KYNU: variants seen among roughly 807,000 people sequenced by gnomAD.
The protein encoded by KYNU is L-kynurenine hydrolase.
A neutral mutation model predicts 59.2 loss-of-function variants in KYNU; 54 were observed. The ratio of observed to expected loss-of-function variants is 0.91; its 90% confidence interval spans 0.73 to 1.14. The LOEUF (loss-of-function observed/expected upper bound fraction) is 1.14. KYNU is among the 50% of genes most tolerant of loss of function. KYNU has a pLI of 0.00. For missense variants in KYNU, 567 were observed against 554.4 expected (o/e 1.02, Z -0.23); for synonymous variants, 177 against 192.0 (o/e 0.92, Z 0.65).
chr2:142,980,877 T>C (rs1573866456), intron 8 of KYNU, among the ~76,000 whole-genome samples: 1 of 152,260 alleles, frequency 6.6e-6, no homozygotes, highest in Non-Finnish European at 1.5e-5. Flanking sequence ...CTTTCACATA[T>C]GCATATCATG....
chr2:142,996,911 A>G (rs1358014157), intron 10 of KYNU, among the ~76,000 whole-genome samples: 3 of 152,140 alleles, frequency 2.0e-5, no homozygotes, highest in Non-Finnish European at 2.9e-5. Context: ...AAGTGATAAA[A>G]ATGAAGCATC....
At chr2:143,038,450 G>T (rs556628416) in intron 12 of KYNU, among the ~76,000 whole-genome samples, 1 of 152,138 alleles carries the variant, frequency 6.6e-6, no homozygotes, top group African/African-American at 2.4e-5. Flanking sequence ...ACCTACATTT[G>T]CTTTGCCCAA....
intron 10 of KYNU, among the ~76,000 whole-genome samples, chr2:143,003,897 C>CATAAAT (rs72237965): frequency 6.6e-6 from 1 of 151,890 alleles, no homozygotes; most frequent in African/African-American, 2.4e-5. Context: ...ATATAAAGAA[C>CATAAAT]GCTGTGTTTG....
intron 10 of KYNU, chr2:142,989,677 A>C: frequency 9.8e-6 from 2 of 203,362 alleles, no homozygotes; most frequent in Non-Finnish European, 1.7e-5. Flanking sequence ...TTCAATAAAG[A>C]GGTAGAATGT....
chr2:142,993,213 AATTACT>A (rs1353547962), intron 10 of KYNU, among the ~76,000 whole-genome samples: 1 of 151,992 alleles, frequency 6.6e-6, no homozygotes, highest in Non-Finnish European at 1.5e-5. Flanking sequence ...AAGAAGAAAG[AATTACT>A]TAAATGGCAT....
chr2:142,967,671 GAT>G (rs1218148150), intron 8 of KYNU, among the ~76,000 whole-genome samples: 1 of 152,088 alleles, frequency 6.6e-6, no homozygotes, highest in African/African-American at 2.4e-5. Flanking sequence ...TTTATCTTCA[GAT>G]AGTCCTAATT....
chr2:142,940,886 A>T (rs183900349), intron 4 of KYNU, among the ~76,000 whole-genome samples: 1 of 152,134 alleles, frequency 6.6e-6, no homozygotes, highest in Non-Finnish European at 1.5e-5. Flanking sequence ...TCAGAACTTT[A>T]CTTTCACTTT....
At chr2:143,020,014 C>T (rs1395266919) in intron 10 of KYNU, among the ~76,000 whole-genome samples, 2 of 151,492 alleles carry the variant, frequency 1.3e-5, no homozygotes, top group African/African-American at 4.8e-5. Context: ...TTTGGGTCTT[C>T]TTTTTTCTTA....
intron 12 of KYNU, among the ~76,000 whole-genome samples, chr2:143,034,588 T>C (rs956264936): frequency 6.6e-6 from 1 of 152,192 alleles, no homozygotes; most frequent in Non-Finnish European, 1.5e-5. Flanking sequence ...CTTGTGTTGT[T>C]TTCACTTCAT....
chr2:142,961,803 A>G (rs1469499779), intron 8 of KYNU, among the ~76,000 whole-genome samples: 1 of 152,228 alleles, frequency 6.6e-6, no homozygotes, highest in Non-Finnish European at 1.5e-5. Flanking sequence ...ATCTTTAAAT[A>G]GCACTTCTAT....
intron 10 of KYNU, among the ~76,000 whole-genome samples, chr2:142,987,452 A>G (rs768724509): frequency 6.6e-6 from 1 of 151,914 alleles, no homozygotes; most frequent in Non-Finnish European, 1.5e-5. Context: ...GGACAAAGGG[A>G]TTGTATTGTG....
chr2:143,043,112 CA>C lies in KYNU; in HGVS notation c.*941del, dbSNP rs1239584566. On this transcript the variant is annotated 3_prime_UTR_variant, in exon 14 of 14. Transcript: ENST00000264170. ...AGAATGTTTCTTTCTTTAATGTTAT[CA>C]TAATCTCTTACTTTTTAAATGAGAA... The C allele has an allele frequency of 6.6e-6, 1 of 151,888 alleles. No homozygotes were observed. Among genetic ancestry groups the C allele is most frequent in the Non-Finnish European group, 1.5e-5 (1 of 67,918 alleles). 9.4% of individuals were successfully genotyped at this position (151,888 alleles called of 1,614,324 possible). A position where few individuals can be genotyped will look rare whatever the true frequency, so the allele number is the denominator to read the frequency against.
At chr2:143,004,712 T>C (rs1204912403) in intron 10 of KYNU, among the ~76,000 whole-genome samples, 1 of 152,022 alleles carries the variant, frequency 6.6e-6, no homozygotes, top group East Asian at 1.9e-4. Flanking sequence ...AAAATAAAAA[T>C]AAAGGCAATA....
chr2:142,945,190 G>T (rs164734), intron 4 of KYNU, among the ~76,000 whole-genome samples: 14,528 of 152,176 alleles, frequency 0.095, 1,650 homozygotes, highest in African/African-American at 0.26. Context: ...TTTCATGGAA[G>T]AAATCTCTGT....
rs557431670 is a variant in KYNU, at chr2:142,903,927, G to A, written c.170-14682G>A. Among the ~76,000 whole-genome samples the A allele has an allele frequency of 7.6e-4, 116 of 152,272 alleles. No homozygotes were observed. The South Asian group carries it at 0.018, about 24-fold the overall frequency. ...TCCCTGTTCCAGAGCCTCCGAAGTCGTGCTTGCCTGAGGGCCATGACTAAA... is the reference window on the plus strand; with the variant it reads ...TCCCTGTTCCAGAGCCTCCGAAGTCATGCTTGCCTGAGGGCCATGACTAAA... On this transcript the variant is annotated intron_variant, in intron 2 of 13. Transcript: ENST00000264170.
At chr2:143,031,513 C>T (rs1686741551) in intron 11 of KYNU, among the ~76,000 whole-genome samples, 1 of 151,718 alleles carries the variant, frequency 6.6e-6, no homozygotes, top group South Asian at 2.1e-4. Flanking sequence ...CAATTGATCA[C>T]AGGAGTTTGA....
At chr2:142,956,000 G>A (rs1042166981) in intron 5 of KYNU, among the ~76,000 whole-genome samples, 1 of 152,066 alleles carries the variant, frequency 6.6e-6, no homozygotes. Context: ...TCATTGATAA[G>A]CAAATTGAGC....
chr2:142,887,342 C>T (rs1681552862), intron 2 of KYNU, among the ~76,000 whole-genome samples: 1 of 152,072 alleles, frequency 6.6e-6, no homozygotes, highest in South Asian at 2.1e-4. Flanking sequence ...CCCTTGTGCA[C>T]TCTTAGTGGG....
chr2:142,937,004 A>G (rs1177449948), intron 4 of KYNU, among the ~76,000 whole-genome samples: 1 of 152,178 alleles, frequency 6.6e-6, no homozygotes, highest in African/African-American at 2.4e-5. Context: ...GAGGCTGAAA[A>G]TGGCATCAGC....
Sources: allele counts gnomAD v4.1 joint callset (sites outside exome capture counted in the v4.1 genomes callset), GRCh38; gene constraint gnomAD v4.1.1; transcripts MANE v1.5; gene names NCBI Gene and HGNC (gene_info 2026-07-23, HGNC 2026-07-21).